The following SCAI variants were observed in gnomAD, a reference collection of about 807,000 sequenced individuals.
SCAI encodes suppressor of cancer cell invasion.
A neutral mutation model predicts 92.2 loss-of-function variants in SCAI; 24 were observed. The ratio of observed to expected loss-of-function variants is 0.26; its 90% CI spans 0.19 to 0.37. The LOEUF is 0.37. Ranked by LOEUF, SCAI falls within the 10% of genes least tolerant of loss-of-function variation. The pLI is 1.00. For missense variants in SCAI, 450 were observed against 736.2 expected, an observed-to-expected ratio of 0.61 and a Z score of 4.50; for synonymous variants, 261 against 258.6, an observed-to-expected ratio of 1.01 and a Z score of -0.09.
At chr9:125,042,594 A>ATGCATGGC (rs1833337537) in intron 3 of SCAI, among the ~76,000 whole-genome samples, 1 of 135,492 alleles carries the variant, frequency 7.4e-6, no homozygotes. Context: ...CAGTCCCTAA[A>ATGCATGGC]TGCATGGCTT....
At chr9:124,997,855 G>A (rs141674313) in intron 13 of SCAI, among the ~76,000 whole-genome samples, 1,697 of 145,792 alleles carry the variant, frequency 0.012, 89 homozygotes, top group Admixed American at 0.085. Flanking sequence ...CAGCCTGGGC[G>A]GCAGAGTAAA....
At chr9:124,962,150 CTTT>C (rs752939056) in intron 17 of SCAI, among the ~76,000 whole-genome samples, 1,019 of 63,378 alleles carry the variant, frequency 0.016, 17 homozygotes, top group African/African-American at 0.055. Flanking sequence ...TAATATATGT[CTTT>C]TTTTTTTTTT....
chr9:124,989,947 G>T (rs1174027561), intron 14 of SCAI, among the ~76,000 whole-genome samples: 1 of 151,364 alleles, frequency 6.6e-6, no homozygotes, highest in Non-Finnish European at 1.5e-5. Context: ...GGCCAAGGTG[G>T]GTGAATCATC....
chr9:125,112,962 A>G (rs996121570), intron 2 of SCAI, among the ~76,000 whole-genome samples: 4 of 152,254 alleles, frequency 2.6e-5, no homozygotes, highest in Non-Finnish European at 4.4e-5. Flanking sequence ...TTATAAACCA[A>G]AGCATGAAAC....
intron 9 of SCAI, among the ~76,000 whole-genome samples, chr9:125,004,698 T>C (rs1235780975): frequency 7.4e-6 from 1 of 134,266 alleles, no homozygotes; most frequent in Non-Finnish European, 1.6e-5. Context: ...GAGCTAACTT[T>C]TGATGAATTA....
chr9:125,101,640 C>T (rs1420718603), intron 2 of SCAI, among the ~76,000 whole-genome samples: 1 of 152,120 alleles, frequency 6.6e-6, no homozygotes, highest in Non-Finnish European at 1.5e-5. Context: ...AATTTTGAGT[C>T]TAGAGTTCAG....
rs1007641828 is a variant in SCAI at position 124,950,037 on chromosome 9, C to T, written c.*2770G>A. On this transcript the variant is annotated 3_prime_UTR_variant, in exon 18 of 18. Transcript: ENST00000336505. ...TCAATGTTGTGATTTCTAAGACCCT[C>T]ATTTTTAGACAAGCATGTTTCTAAT... is the stretch of plus-strand genomic sequence containing the variant. The T allele has an allele frequency of 6.6e-6, 1 of 152,150 alleles. No individual in the cohort carries two copies. Among genetic ancestry groups the T allele is most frequent in the African/African-American group, 2.4e-5 (1 of 41,430 alleles). The allele number at this position is 152,150 out of a possible 1,614,324, so 9.4% of individuals were successfully genotyped here.
intron 2 of SCAI, among the ~76,000 whole-genome samples, chr9:125,075,220 T>C (rs968187666): frequency 3.3e-5 from 5 of 152,110 alleles, no homozygotes; most frequent in African/African-American, 1.2e-4. Flanking sequence ...CTGTCTCCAG[T>C]AGAGAACTCA....
intron 2 of SCAI, among the ~76,000 whole-genome samples, chr9:125,121,754 G>A (rs1411316067): frequency 6.6e-6 from 1 of 152,166 alleles, no homozygotes; most frequent in Non-Finnish European, 1.5e-5. Flanking sequence ...TTGGGAGGCT[G>A]AGGCATGAGA....
rs190975291 is a variant in SCAI, at chr9:125,006,167, A to G, written c.862-2597T>C. 2.3e-3 allele frequency among the ~76,000 whole-genome samples: 349 copies of G among 152,306 alleles called. 1 individual carries two copies. Among genetic ancestry groups the G allele is most frequent in the Non-Finnish European group, 4.3e-3 (292 of 68,038 alleles). ...AACAAAAATCATAAAACGCATGAAGAAAAAAGGCACGCCTGATTCAGCAAA... is the reference window on the plus strand; with the variant it reads ...AACAAAAATCATAAAACGCATGAAGGAAAAAGGCACGCCTGATTCAGCAAA... On this transcript the variant is annotated intron_variant, in intron 9 of 17. Transcript: ENST00000336505.
chr9:125,027,014 G>A (rs931911597), intron 5 of SCAI, 104 bp from the exon 6 acceptor site: 18 of 514,764 alleles, frequency 3.5e-5, no homozygotes, highest in South Asian at 1.2e-4. Flanking sequence ...CACGGGGTGC[G>A]GGGGTGGGAA....
intron 14 of SCAI, among the ~76,000 whole-genome samples, chr9:124,982,714 C>A (rs775425288): frequency 2.7e-4 from 41 of 150,780 alleles, no homozygotes; most frequent in Non-Finnish European, 5.3e-4. Context: ...TATTGGTAAA[C>A]CCAGAAGGGC....
chr9:125,105,902 G>A (rs906125370), intron 2 of SCAI, among the ~76,000 whole-genome samples: 3 of 151,108 alleles, frequency 2.0e-5, no homozygotes, highest in African/African-American at 7.3e-5. Context: ...ATGGACACCA[G>A]CCTGGCCAAT....
chr9:125,137,022 G>T (rs1588256495), intron 2 of SCAI, among the ~76,000 whole-genome samples: 1 of 152,148 alleles, frequency 6.6e-6, no homozygotes, highest in East Asian at 1.9e-4. Context: ...CTCCCAAAGT[G>T]CTGGGATGAC....
At chr9:125,013,949 T>C (rs1157614094) in intron 9 of SCAI, among the ~76,000 whole-genome samples, 1 of 152,178 alleles carries the variant, frequency 6.6e-6, no homozygotes, top group Non-Finnish European at 1.5e-5. Flanking sequence ...TCTCAATAGA[T>C]GCAGAAAAGG....
At chr9:125,084,158 C>CCTTTTTTTTT (rs1224570781) in intron 2 of SCAI, among the ~76,000 whole-genome samples, 1 of 65,138 alleles carries the variant, frequency 1.5e-5, no homozygotes, top group African/African-American at 6.6e-5. Flanking sequence ...TTGGCTGCTG[C>CCTTTTTTTTT]TTTTTTTTTT....
chr9:125,005,030 C>T (rs374548600), intron 9 of SCAI, among the ~76,000 whole-genome samples: 2 of 150,726 alleles, frequency 1.3e-5, no homozygotes, highest in East Asian at 2.0e-4. Flanking sequence ...TCAGATGATC[C>T]TCCTGCCTCA....
At chr9:125,056,359 A>AG (rs1833665728) in intron 2 of SCAI, among the ~76,000 whole-genome samples, 1 of 152,138 alleles carries the variant, frequency 6.6e-6, no homozygotes, top group South Asian at 2.1e-4. Context: ...CCAGCTACTC[A>AG]GGAGGCTGAG....
At chr9:125,037,363 CA>C (rs1833219254) in intron 3 of SCAI, among the ~76,000 whole-genome samples, 2 of 149,890 alleles carry the variant, frequency 1.3e-5, no homozygotes, top group South Asian at 4.2e-4. Context: ...TCATTTGAGC[CA>C]AGGAGGTCAA....
Sources: gnomAD v4.1 joint callset for allele counts (sites outside exome capture counted in the v4.1 genomes callset) on GRCh38, gnomAD v4.1.1 for gene constraint, MANE v1.5 for transcripts, NCBI Gene and HGNC (gene_info 2026-07-23, HGNC 2026-07-21) for gene names.